Variants in SV2C observed in about 807,000 individuals in gnomAD.
SV2C encodes synaptic vesicle glycoprotein 2C.
A neutral mutation model predicts 79.7 loss-of-function variants in SV2C; 49 were observed. That is an observed-to-expected ratio of 0.61 (90% CI 0.49 to 0.78). The LOEUF is 0.78. Among genes scored for constraint, SV2C ranks in the 30% least tolerant of loss-of-function variants. The pLI, the probability that SV2C is intolerant of heterozygous loss-of-function variation, is 0.00. For missense variants in SV2C, 833 were observed against 912.9 expected, an observed-to-expected ratio of 0.91 and a Z score of 1.13; for synonymous variants, 334 against 333.2, an observed-to-expected ratio of 1.00 and a Z score of -0.03.
At position 76,209,896 on chromosome 5, in the gene SV2C, C is replaced by T. The variant is rs749384285; in HGVS notation, c.913+9C>T. 1 of 1,607,922 alleles carries T rather than the reference C, an allele frequency of 6.2e-7. No homozygotes were observed. The highest frequency in any genetic ancestry group is 1.7e-5 in the Admixed American group (1 of 59,104). On this transcript the variant is annotated intron_variant, in intron 4 of 12. Transcript: ENST00000502798. ...CATCATCCCGCACTACGGTAAGAGG[C>T]TGGCCTTGCCCCAGCTGGGCAGTCA...
the SV2C span, among the ~76,000 whole-genome samples, chr5:75,897,958 T>G: frequency 1.1e-3 from 169 of 151,664 alleles, 3 homozygotes; most frequent in African/African-American, 3.9e-3. Flanking sequence ...TCAGTTTAAG[T>G]AGATTTTGGG....
chr5:76,313,985 A>G lies in SV2C; in HGVS notation c.2001-11379A>G, dbSNP rs940801138. Among the ~76,000 whole-genome samples, 3 of 152,194 alleles carry G rather than the reference A, an allele frequency of 2.0e-5. No individual in the cohort carries two copies. In the East Asian group the frequency reaches 5.8e-4, roughly 29 times the overall value. On this transcript the variant is annotated intron_variant, in intron 12 of 12. Coordinates refer to ENST00000502798, the MANE Select transcript of SV2C (RefSeq NM_014979.4). ...TTTAAATTATATGGGTATGCATTAG[A>G]GACAATTTATCTATCAATCATATTG...
At chr5:76,045,193 C>T in the SV2C span, among the ~76,000 whole-genome samples, 9 of 152,032 alleles carry the variant, frequency 5.9e-5, no homozygotes, top group African/African-American at 1.9e-4. Context: ...TGCTTGTTTT[C>T]GTCAGGTTTG....
At chr5:76,287,161 C>A (rs565724055) in intron 6 of SV2C, among the ~76,000 whole-genome samples, 223 of 152,146 alleles carry the variant, frequency 1.5e-3, no homozygotes, top group Non-Finnish European at 2.6e-3. Flanking sequence ...TATTCATAGG[C>A]CTTATTATAA....
chr5:76,163,493 C>CT (rs1455029619), intron 2 of SV2C, among the ~76,000 whole-genome samples: 1 of 152,198 alleles, frequency 6.6e-6, no homozygotes, highest in Non-Finnish European at 1.5e-5. Context: ...TGAACCAGAG[C>CT]TTCAGGTTTG....
At chr5:75,917,920 A>T in the SV2C span, among the ~76,000 whole-genome samples, 1 of 152,212 alleles carries the variant, frequency 6.6e-6, no homozygotes, top group East Asian at 1.9e-4. Flanking sequence ...TAAAAGACTC[A>T]TATACCCCAT....
chr5:76,313,485 A>G (rs1012789110), intron 12 of SV2C, among the ~76,000 whole-genome samples: 2 of 152,188 alleles, frequency 1.3e-5, no homozygotes, highest in African/African-American at 2.4e-5. Flanking sequence ...ATCAGGCAAT[A>G]TATTACAATG....
chr5:76,171,079 C>A (rs1182996440), intron 2 of SV2C: 1 of 103,576 alleles, frequency 9.7e-6, no homozygotes, highest in East Asian at 2.3e-4. Flanking sequence ...AGCGGACGGG[C>A]CCCGCGGGGC....
the SV2C span, among the ~76,000 whole-genome samples, chr5:76,067,937 T>C: frequency 6.6e-6 from 1 of 152,164 alleles, no homozygotes; most frequent in Non-Finnish European, 1.5e-5. Flanking sequence ...TGTGTCTATA[T>C]TCAGCCATTT....
chr5:75,939,543 G>A, the SV2C span, among the ~76,000 whole-genome samples: 1 of 152,034 alleles, frequency 6.6e-6, no homozygotes, highest in Non-Finnish European at 1.5e-5. Flanking sequence ...GCGGGGTAGG[G>A]GGACACAATT....
the SV2C span, among the ~76,000 whole-genome samples, chr5:75,955,975 G>T: frequency 0.16 from 24,665 of 150,228 alleles, 2,084 homozygotes; most frequent in Middle Eastern, 0.22. Flanking sequence ...AACCATTGTG[G>T]AAGTCAGTGT....
At chr5:75,997,147 G>A in the SV2C span, among the ~76,000 whole-genome samples, 2 of 151,666 alleles carry the variant, frequency 1.3e-5, no homozygotes, top group Non-Finnish European at 2.9e-5. Flanking sequence ...TTATTATTTT[G>A]AGATACGTCC....
intron 4 of SV2C, among the ~76,000 whole-genome samples, chr5:76,236,245 A>G (rs139025232): frequency 6.6e-6 from 1 of 152,170 alleles, no homozygotes; most frequent in East Asian, 1.9e-4. Flanking sequence ...AATATTGAAA[A>G]TCAAAGTAAC....
At chr5:75,976,613 T>A in the SV2C span, among the ~76,000 whole-genome samples, 1 of 152,040 alleles carries the variant, frequency 6.6e-6, no homozygotes, top group Non-Finnish European at 1.5e-5. Flanking sequence ...AAGAATACCA[T>A]GCTTTTAATC....
chr5:76,035,162 C>T, the SV2C span, among the ~76,000 whole-genome samples: 19 of 150,894 alleles, frequency 1.3e-4, no homozygotes, highest in South Asian at 1.0e-3. Flanking sequence ...GTCTTGCTAG[C>T]GGTCTATCAA....
chr5:76,314,038 A>G (rs146523854), intron 12 of SV2C, among the ~76,000 whole-genome samples: 281 of 152,340 alleles, frequency 1.8e-3, no homozygotes, highest in African/African-American at 6.3e-3. Flanking sequence ...AAAGGAAATT[A>G]TCACCCAGAC....
At chr5:75,886,481 TC>T in the SV2C span, among the ~76,000 whole-genome samples, 1 of 152,126 alleles carries the variant, frequency 6.6e-6, no homozygotes. Flanking sequence ...GCAGAAAGAT[TC>T]TTCCAGAACT....
intron 2 of SV2C, among the ~76,000 whole-genome samples, chr5:76,154,821 G>A (rs1227024392): frequency 5.3e-5 from 8 of 152,150 alleles, no homozygotes; most frequent in African/African-American, 1.9e-4. Context: ...CAGAGAAAAG[G>A]AACACAAAAC....
the SV2C span, among the ~76,000 whole-genome samples, chr5:75,901,787 C>T: frequency 3.3e-5 from 5 of 152,376 alleles, no homozygotes; most frequent in African/African-American, 4.8e-5. Context: ...CAAGCCTGGG[C>T]AATGGCAGGT....
Sources: gnomAD v4.1 joint callset for allele counts (sites outside exome capture counted in the v4.1 genomes callset) on GRCh38, gnomAD v4.1.1 for gene constraint, MANE v1.5 for transcripts, NCBI Gene and HGNC (gene_info 2026-07-23, HGNC 2026-07-21) for gene names.